Variants in SLC71A2 observed in about 807,000 individuals in gnomAD.
SLC71A2 encodes hippocampus abundant transcript-like 1.
At chr9:94,386,139 G>T in the SLC71A2 span, among the ~76,000 whole-genome samples, 1 of 152,026 alleles carries the variant, frequency 6.6e-6, no homozygotes, top group Non-Finnish European at 1.5e-5. Flanking sequence ...TTTCGGTAAC[G>T]ATTTGTAGTT....
At chr9:94,401,321 G>A in the SLC71A2 span, among the ~76,000 whole-genome samples, 2 of 151,986 alleles carry the variant, frequency 1.3e-5, no homozygotes, top group African/African-American at 2.4e-5. Context: ...ACAGGCGTCC[G>A]CCACCACAAC....
At chr9:94,447,426 C>T in the SLC71A2 span, among the ~76,000 whole-genome samples, 3 of 151,094 alleles carry the variant, frequency 2.0e-5, no homozygotes, top group East Asian at 1.9e-4. Flanking sequence ...GTGATCCACC[C>T]GCCTCGGTCT....
the SLC71A2 span, chr9:94,445,112 C>T: frequency 6.2e-7 from 1 of 1,614,212 alleles, no homozygotes; most frequent in Non-Finnish European, 8.5e-7. Context: ...GTTCCAGAAT[C>T]TCTGCCTGAG....
the SLC71A2 span, among the ~76,000 whole-genome samples, chr9:94,434,788 A>G: frequency 2.6e-5 from 4 of 152,210 alleles, no homozygotes; most frequent in African/African-American, 4.8e-5. Context: ...ATAGGTACTC[A>G]TTATTCCCTT....
the SLC71A2 span, among the ~76,000 whole-genome samples, chr9:94,422,439 T>C: frequency 1.1e-4 from 16 of 152,270 alleles, no homozygotes; most frequent in Non-Finnish European, 1.8e-4. Context: ...TTTGGGTTTC[T>C]GGTTTTTGCC....
At chr9:94,434,570 C>T in the SLC71A2 span, among the ~76,000 whole-genome samples, 31 of 152,160 alleles carry the variant, frequency 2.0e-4, no homozygotes, top group Non-Finnish European at 3.8e-4. Flanking sequence ...CCGCCTCAGC[C>T]TCCCAAAGTG....
chr9:94,397,486 GGA>G, the SLC71A2 span, among the ~76,000 whole-genome samples: 3 of 56,880 alleles, frequency 5.3e-5, no homozygotes, highest in South Asian at 4.9e-4. Flanking sequence ...GAGAGTGTTT[GGA>G]AAAAAAAAAA....
At chr9:94,416,207 TA>T in the SLC71A2 span, among the ~76,000 whole-genome samples, 1 of 152,232 alleles carries the variant, frequency 6.6e-6, no homozygotes, top group Non-Finnish European at 1.5e-5. Context: ...TCAGTTGTCT[TA>T]ATTATTCTTT....
chr9:94,388,546 A>G, the SLC71A2 span, among the ~76,000 whole-genome samples: 1 of 152,230 alleles, frequency 6.6e-6, no homozygotes. Flanking sequence ...CATTAGGTGG[A>G]GTACTAAGCT....
At chr9:94,431,861 G>A in the SLC71A2 span, among the ~76,000 whole-genome samples, 4 of 152,146 alleles carry the variant, frequency 2.6e-5, no homozygotes, top group Non-Finnish European at 5.9e-5. Context: ...AGGAGAGAGT[G>A]TTTGGCCCGT....
chr9:94,431,752 A>AC, the SLC71A2 span, among the ~76,000 whole-genome samples: 9,395 of 151,710 alleles, frequency 0.062, 429 homozygotes, highest in Middle Eastern at 0.13. Flanking sequence ...AATTTGGACC[A>AC]CCCCCACCAA....
At chr9:94,429,330 G>A in the SLC71A2 span, 1 of 1,487,448 alleles carries the variant, frequency 6.7e-7, no homozygotes, top group South Asian at 1.3e-5. Context: ...AGTTTTAGTG[G>A]GACTTTGGGA....
chr9:94,403,006 T>G, the SLC71A2 span, among the ~76,000 whole-genome samples: 1 of 152,212 alleles, frequency 6.6e-6, no homozygotes, highest in African/African-American at 2.4e-5. Context: ...AACTGAACTC[T>G]GTGCCCATTA....
chr9:94,451,676 C>G, the SLC71A2 span: 1 of 463,564 alleles, frequency 2.2e-6, no homozygotes. Flanking sequence ...GTCTTGCAAG[C>G]TATAGTATAA....
the SLC71A2 span, among the ~76,000 whole-genome samples, chr9:94,431,108 C>A: frequency 2.0e-5 from 3 of 152,076 alleles, no homozygotes; most frequent in African/African-American, 4.8e-5. Flanking sequence ...ATCAGGAGAT[C>A]GAGACCATCC....
the SLC71A2 span, among the ~76,000 whole-genome samples, chr9:94,450,493 C>CTTTTTTTTTTTTTTTTTTTTTT: frequency 7.4e-4 from 75 of 102,006 alleles, 12 homozygotes; most frequent in African/African-American, 1.2e-3. Flanking sequence ...AATAATGTAA[C>CTTTTTTTTTTTTTTTTTTTTTT]TTTTTTTTTT....
At chr9:94,436,921 T>C in the SLC71A2 span, among the ~76,000 whole-genome samples, 1 of 152,246 alleles carries the variant, frequency 6.6e-6, no homozygotes. Flanking sequence ...AATGTCATCC[T>C]TCTGACCTTA....
the SLC71A2 span, among the ~76,000 whole-genome samples, chr9:94,427,297 G>A: frequency 6.6e-6 from 1 of 151,862 alleles, no homozygotes; most frequent in Non-Finnish European, 1.5e-5. Context: ...TTTGGGGGAG[G>A]GTAGGTAGAA....
the SLC71A2 span, among the ~76,000 whole-genome samples, chr9:94,443,969 A>G: frequency 6.6e-6 from 1 of 152,180 alleles, no homozygotes; most frequent in African/African-American, 2.4e-5. Context: ...CCCTCCAAAA[A>G]TACTTGAGTT....
Sources: allele counts gnomAD v4.1 joint callset (sites outside exome capture counted in the v4.1 genomes callset), GRCh38; gene constraint gnomAD v4.1.1; transcripts MANE v1.5; gene names NCBI Gene and HGNC (gene_info 2026-07-23, HGNC 2026-07-21).